PLEKHA5: variants seen among roughly 807,000 people sequenced by gnomAD.
The protein encoded by PLEKHA5 is pleckstrin homology domain-containing family A member 5.
A neutral mutation model predicts 181.9 loss-of-function variants in PLEKHA5; 55 were observed. The observed-to-expected ratio is 0.30, with a 90% CI of 0.24 to 0.38. The LOEUF (loss-of-function observed/expected upper bound fraction) is 0.38. PLEKHA5 is among the 10% of genes least tolerant of loss of function. The pLI is 1.00. For missense variants in PLEKHA5, 1,432 were observed against 1,549.5 expected (o/e 0.92, Z 1.27); for synonymous variants, 535 against 529.4 (o/e 1.01, Z -0.15).
intron 16 of PLEKHA5, among the ~76,000 whole-genome samples, chr12:19,317,805 C>A (rs1037656879): frequency 6.6e-6 from 1 of 151,852 alleles, no homozygotes; most frequent in Non-Finnish European, 1.5e-5. Flanking sequence ...ATATAACACA[C>A]TCCTCAACCT....
chr12:19,262,298 A>G (rs958304647), intron 7 of PLEKHA5, among the ~76,000 whole-genome samples: 12 of 152,120 alleles, frequency 7.9e-5, no homozygotes, highest in African/African-American at 2.9e-4. Flanking sequence ...CAGTGGTGCA[A>G]TCTTGGCTCA....
rs532242510 is a variant in PLEKHA5, at chr12:19,245,592, G to A, written c.228-8348G>A. ...AAAATACAAAAATTAGCCGGGCGTGGTGGCAGGCGCCTGTAATCCCAGCTA... is the reference window on the plus strand; with the variant it reads ...AAAATACAAAAATTAGCCGGGCGTGATGGCAGGCGCCTGTAATCCCAGCTA... On this transcript the variant is annotated intron_variant, in intron 3 of 31. Coordinates refer to ENST00000429027, the MANE Select transcript of PLEKHA5 (RefSeq NM_001256470.2). Among the ~76,000 whole-genome samples the A allele has an allele frequency of 2.1e-3, 320 of 151,914 alleles. 3 individuals carry two copies. Among genetic ancestry groups the A allele is most frequent in the African/African-American group, 7.5e-3 (310 of 41,430 alleles).
rs141646342 is a variant in PLEKHA5, at chr12:19,366,744, A to G, written c.3754+635A>G. Reference sequence around the variant, plus strand: ...TATTCACAAGCCTGCCACATTGGGAACTGTGGAGGATTTAATATCTAAACT... The same window carrying G: ...TATTCACAAGCCTGCCACATTGGGAGCTGTGGAGGATTTAATATCTAAACT... On this transcript the variant is annotated intron_variant, in intron 30 of 31. Coordinates refer to ENST00000429027, the MANE Select transcript of PLEKHA5 (RefSeq NM_001256470.2). 1.2e-4 allele frequency among the ~76,000 whole-genome samples: 18 copies of G among 152,240 alleles called. No homozygotes were observed. The East Asian group carries it at 3.3e-3, about 28-fold the overall frequency.
intron 3 of PLEKHA5, among the ~76,000 whole-genome samples, chr12:19,217,519 G>C (rs1461089331): frequency 1.3e-5 from 2 of 152,086 alleles, no homozygotes; most frequent in African/African-American, 2.4e-5. Flanking sequence ...GGATAAGGTA[G>C]GGATGCAAAT....
At chr12:19,343,485 T>A (rs1190632900) in intron 22 of PLEKHA5, 51 bp downstream of exon 22, 1 of 1,011,092 alleles carries the variant, frequency 9.9e-7, no homozygotes, top group South Asian at 1.3e-5. Context: ...ATTACAGTCA[T>A]GTGTCGCTTG....
rs560008092 is a variant in PLEKHA5, at chr12:19,287,417, T to C, written c.1780-56T>C. ...AATTTAAGATTTCTCCTTGCTGACA[T>C]TGATAAGAAAAAAAAAACTTTACCA... On this transcript the variant is annotated intron_variant, in intron 12 of 31. Transcript: ENST00000429027. 159 of 969,418 alleles carry C rather than the reference T, an allele frequency of 1.6e-4. No homozygotes were observed. The South Asian group carries it at 2.1e-3, about 13-fold the overall frequency. 60.1% of individuals were successfully genotyped at this position (969,418 alleles called of 1,614,324 possible). A position where few individuals can be genotyped will look rare whatever the true frequency, so the allele number is the denominator to read the frequency against.
At chr12:19,329,245 C>G (rs1398936237) in intron 20 of PLEKHA5, among the ~76,000 whole-genome samples, 1 of 152,028 alleles carries the variant, frequency 6.6e-6, no homozygotes, top group Non-Finnish European at 1.5e-5. Flanking sequence ...TTGCTTGTAT[C>G]TTGTTGAGGA....
At chr12:19,218,877 A>G (rs1001071921) in intron 3 of PLEKHA5, among the ~76,000 whole-genome samples, 2 of 150,790 alleles carry the variant, frequency 1.3e-5, no homozygotes, top group South Asian at 2.1e-4. Flanking sequence ...TTTAAAAAAG[A>G]AAAAAGGCCA....
intron 3 of PLEKHA5, among the ~76,000 whole-genome samples, chr12:19,244,453 C>T (rs1465278864): frequency 6.6e-6 from 1 of 152,232 alleles, no homozygotes; most frequent in Non-Finnish European, 1.5e-5. Flanking sequence ...TGCCCCACTC[C>T]AGTCTAACAT....
intron 2 of PLEKHA5, 101 bp from the exon 3 acceptor site, chr12:19,132,292 A>T: frequency 1.4e-6 from 1 of 701,154 alleles, no homozygotes; most frequent in South Asian, 1.7e-5. Flanking sequence ...TAATCTACTT[A>T]ATTAAAACAG....
chr12:19,265,455 G>C (rs2070027256), intron 7 of PLEKHA5, among the ~76,000 whole-genome samples: 1 of 152,154 alleles, frequency 6.6e-6, no homozygotes, highest in Admixed American at 6.5e-5. Flanking sequence ...GGGATAGAAT[G>C]GTTGGGCATT....
At chr12:19,244,885 A>G (rs1206144204) in intron 3 of PLEKHA5, among the ~76,000 whole-genome samples, 6 of 152,190 alleles carry the variant, frequency 3.9e-5, no homozygotes, top group Non-Finnish European at 5.9e-5. Context: ...AGCAATTTCA[A>G]TATTCTTTTA....
intron 3 of PLEKHA5, among the ~76,000 whole-genome samples, chr12:19,213,252 G>A (rs2057322814): frequency 6.6e-6 from 1 of 151,990 alleles, no homozygotes; most frequent in Non-Finnish European, 1.5e-5. Context: ...AGCAGATTAT[G>A]TCTGTGTTGG....
chr12:19,227,866 G>A (rs1046942560), intron 3 of PLEKHA5, among the ~76,000 whole-genome samples: 5 of 152,130 alleles, frequency 3.3e-5, no homozygotes, highest in Admixed American at 6.5e-5. Context: ...ATAAGAGAAC[G>A]TTTCATTCAA....
At chr12:19,137,321 CT>C (rs1391690453) in intron 3 of PLEKHA5, among the ~76,000 whole-genome samples, 1 of 152,136 alleles carries the variant, frequency 6.6e-6, no homozygotes, top group African/African-American at 2.4e-5. Flanking sequence ...ACCACCACCC[CT>C]GGCCAAAAAC....
intron 26 of PLEKHA5, among the ~76,000 whole-genome samples, chr12:19,355,366 T>C (rs1467969351): frequency 8.8e-5 from 13 of 148,098 alleles, no homozygotes; most frequent in Admixed American, 4.1e-4. Flanking sequence ...TTTTTTTTTT[T>C]CAATGGATAG....
At chr12:19,241,663 G>A (rs1428081201) in intron 3 of PLEKHA5, among the ~76,000 whole-genome samples, 2 of 151,714 alleles carry the variant, frequency 1.3e-5, no homozygotes. Flanking sequence ...GGTTGAGGCA[G>A]GAGAATCACT....
At position 19,130,693 on chromosome 12, in the gene PLEKHA5, A is replaced by C. The variant is rs914763703; in HGVS notation, c.169+563A>C. On this transcript the variant is annotated intron_variant, in intron 2 of 31. Coordinates refer to ENST00000429027, the MANE Select transcript of PLEKHA5 (RefSeq NM_001256470.2). The surrounding 1 kb of genome is among the most constrained non-coding windows in gnomAD (Gnocchi z 4.5). Reference sequence around the variant, plus strand: ...GGTAGGTGGCTGATGAAGGAGGAGGAGGAGGAGGAGAGGAGTTCGGGGGTG... The same window carrying C: ...GGTAGGTGGCTGATGAAGGAGGAGGCGGAGGAGGAGAGGAGTTCGGGGGTG... 6.6e-6 allele frequency: 1 copy of C among 152,426 alleles called. No homozygotes were observed. Among genetic ancestry groups the C allele is most frequent in the Non-Finnish European group, 1.5e-5 (1 of 68,398 alleles). 9.4% of individuals were successfully genotyped at this position (152,426 alleles called of 1,614,324 possible).
chr12:19,183,693 A>C (rs1316449703), intron 3 of PLEKHA5, among the ~76,000 whole-genome samples: 1 of 152,022 alleles, frequency 6.6e-6, no homozygotes, highest in Admixed American at 6.6e-5. Context: ...GATACTTACA[A>C]GGGAAAATTT....
Sources: gnomAD v4.1 joint callset for allele counts (sites outside exome capture counted in the v4.1 genomes callset) on GRCh38, gnomAD v4.1.1 for gene constraint, Gnocchi (gnomAD v3.1) non-coding constraint, MANE v1.5 for transcripts, NCBI Gene and HGNC (gene_info 2026-07-23, HGNC 2026-07-21) for gene names.